Variants in DNAI1 observed in about 807,000 individuals in gnomAD.
The protein encoded by DNAI1 is dynein axonemal intermediate chain 1, also known as dynein, axonemal, intermediate polypeptide 1.
A neutral mutation model predicts 92.0 loss-of-function variants in DNAI1; 67 were observed. The ratio of observed to expected loss-of-function variants is 0.73; its 90% confidence interval spans 0.60 to 0.89. The LOEUF (loss-of-function observed/expected upper bound fraction) is 0.89. Among genes scored for constraint, DNAI1 ranks in the 40% least tolerant of loss-of-function variants. The pLI is 0.00. For missense variants in DNAI1, 839 were observed against 866.6 expected, an observed-to-expected ratio of 0.97 and a Z score of 0.40; for synonymous variants, 323 against 319.6, an observed-to-expected ratio of 1.01 and a Z score of -0.11.
intron 13 of DNAI1, among the ~76,000 whole-genome samples, chr9:34,508,114 G>GACAGCA (rs1824979584): frequency 6.6e-6 from 1 of 152,248 alleles, no homozygotes; most frequent in Non-Finnish European, 1.5e-5. Context: ...AGTTGCTCAA[G>GACAGCA]GTCTCTGGGC....
intron 13 of DNAI1, 137 bp from the exon 14 acceptor site, chr9:34,511,972 T>C (rs1247066894): frequency 2.6e-6 from 2 of 771,858 alleles, no homozygotes; most frequent in Non-Finnish European, 4.7e-6. Flanking sequence ...AAAGGACCAA[T>C]CATGGGATTC....
intron 12 of DNAI1, among the ~76,000 whole-genome samples, chr9:34,503,109 T>A (rs552928081): frequency 1.3e-5 from 2 of 151,986 alleles, no homozygotes; most frequent in Admixed American, 1.3e-4. Context: ...GCAGCAGCAG[T>A]GGTATTTGCT....
rs774881963 is a variant in DNAI1 at position 34,467,344 on chromosome 9, T to C, written c.48+8291T>C. 4.6e-5 allele frequency among the ~76,000 whole-genome samples: 7 copies of C among 151,972 alleles called. 1 individual carries two copies. Among genetic ancestry groups the C allele is most frequent in the Non-Finnish European group, 1.0e-4 (7 of 67,982 alleles). ...CAGGCATGATGGCTCATGGCTGTAATCCTAGCACTTTGGGAGGCTGAGGCA... is the reference window on the plus strand; with the variant it reads ...CAGGCATGATGGCTCATGGCTGTAACCCTAGCACTTTGGGAGGCTGAGGCA... On this transcript the variant is annotated intron_variant, in intron 1 of 19. Coordinates refer to ENST00000242317, the MANE Select transcript of DNAI1 (RefSeq NM_012144.4).
At chr9:34,511,639 G>A (rs1825066815) in intron 13 of DNAI1, among the ~76,000 whole-genome samples, 1 of 152,122 alleles carries the variant, frequency 6.6e-6, no homozygotes, top group African/African-American at 2.4e-5. Flanking sequence ...CTGACGTAAG[G>A]GCTTCACATA....
At position 34,512,329 on chromosome 9, in the gene DNAI1, G is replaced by A; in HGVS notation, c.1402-8G>A. 1 of 1,614,020 alleles carries A rather than the reference G, an allele frequency of 6.2e-7. No homozygotes were observed. On this transcript the variant is annotated splice_polypyrimidine_tract_variant and splice_region_variant and intron_variant, in intron 14 of 19. Transcript: ENST00000242317. ...CTCCCCCCCACATCCCTCTGTCTGT[G>A]GCTACAGAGAAAGCTGGTTCACATA...
At chr9:34,498,187 TA>T (rs1393655171) in intron 10 of DNAI1, among the ~76,000 whole-genome samples, 1 of 152,170 alleles carries the variant, frequency 6.6e-6, no homozygotes, top group Non-Finnish European at 1.5e-5. Flanking sequence ...ACAGTTATAA[TA>T]GTGAGAAACA....
chr9:34,483,542 A>G, intron 2 of DNAI1, 62 bp downstream of exon 2: 1 of 1,493,994 alleles, frequency 6.7e-7, no homozygotes, highest in Non-Finnish European at 9.2e-7. Context: ...TTTGTTGAAA[A>G]TATTATTTAT....
At chr9:34,486,380 C>T (rs1245057032) in intron 4 of DNAI1, among the ~76,000 whole-genome samples, 2 of 151,910 alleles carry the variant, frequency 1.3e-5, no homozygotes, top group East Asian at 1.9e-4. Context: ...AGTTACATGA[C>T]CAGAATTCAA....
chr9:34,513,467 G>C (rs994564283), intron 16 of DNAI1, among the ~76,000 whole-genome samples: 5 of 152,212 alleles, frequency 3.3e-5, no homozygotes, highest in East Asian at 2.0e-4. Context: ...GAGGTAGAAG[G>C]GGGGATTCGG....
At chr9:34,511,952 A>G (rs1301891743) in intron 13 of DNAI1, among the ~76,000 whole-genome samples, 157 bp from the exon 14 acceptor site, 1 of 152,144 alleles carries the variant, frequency 6.6e-6, no homozygotes, top group Non-Finnish European at 1.5e-5. Context: ...AGATGGATGG[A>G]AGGAGGGAGA....
intron 7 of DNAI1, among the ~76,000 whole-genome samples, chr9:34,490,690 A>G (rs912781949): frequency 3.3e-5 from 5 of 152,206 alleles, no homozygotes; most frequent in Admixed American, 2.6e-4. Context: ...AGAGGGAGTA[A>G]CATGGAGGCT....
chr9:34,469,540 T>A (rs887358897), intron 1 of DNAI1, among the ~76,000 whole-genome samples: 1 of 152,072 alleles, frequency 6.6e-6, no homozygotes, highest in African/African-American at 2.4e-5. Context: ...GTGCTGGGAC[T>A]ACAGCACTTT....
At chr9:34,500,570 C>T in intron 10 of DNAI1, 152 bp from the exon 11 acceptor site, 2 of 668,288 alleles carry the variant, frequency 3.0e-6, no homozygotes, top group South Asian at 1.6e-5. Flanking sequence ...CATATATCCT[C>T]ACAACAGAAC....
At chr9:34,498,234 G>C (rs1044969901) in intron 10 of DNAI1, among the ~76,000 whole-genome samples, 7 of 152,202 alleles carry the variant, frequency 4.6e-5, no homozygotes, top group Non-Finnish European at 7.3e-5. Context: ...CTGTGTGTCA[G>C]GCATTGTGCT....
intron 12 of DNAI1, among the ~76,000 whole-genome samples, chr9:34,502,968 A>G (rs973861665): frequency 8.5e-5 from 13 of 152,182 alleles, no homozygotes; most frequent in Non-Finnish European, 1.6e-4. Flanking sequence ...AACCACCTAC[A>G]CATAACGGAC....
chr9:34,504,786 C>G (rs977087780), intron 12 of DNAI1, among the ~76,000 whole-genome samples: 3 of 152,202 alleles, frequency 2.0e-5, no homozygotes, highest in African/African-American at 7.2e-5. Flanking sequence ...CAACTGATAA[C>G]CTTCTTTAGA....
intron 6 of DNAI1, 95 bp from the exon 7 acceptor site, chr9:34,490,274 C>G (rs769332943): frequency 1.3e-4 from 202 of 1,608,370 alleles, no homozygotes; most frequent in Non-Finnish European, 1.7e-4. Context: ...CTCTCTCCTA[C>G]CTCTGTCCTA....
At chr9:34,492,493 G>GATAGATATATATATAT (rs1554688186) in intron 8 of DNAI1, among the ~76,000 whole-genome samples, 37 of 68,254 alleles carry the variant, frequency 5.4e-4, no homozygotes, top group African/African-American at 1.1e-3. Context: ...GGGATATGAA[G>GATAGATATATATATAT]ATATATATAT....
In DNAI1 at chr9:34,500,838, T is replaced by C; in HGVS notation, c.1018T>C (p.Trp340Arg). The change falls in exon 11 of 20, where the codon TGG (tryptophan) becomes CGG (arginine). Residue 340 changes from tryptophan (W) to arginine (R), a missense_variant and splice_region_variant. Coordinates refer to ENST00000242317, the MANE Select transcript of DNAI1 (RefSeq NM_012144.4). ...GCGCCTGTCCGTCACTGCCCTCTGC[T>C]GGTAAGTATAGGCATTGCAGCAAAT... ...AKRLSVTALCWNPKYRDLFAV... is the reference protein window; with the variant it reads ...AKRLSVTALCRNPKYRDLFAV... The C allele has an allele frequency of 6.2e-7, 1 of 1,613,202 alleles. No individual in the cohort carries two copies. Among genetic ancestry groups the C allele is most frequent in the Non-Finnish European group, 8.5e-7 (1 of 1,179,180 alleles).
Sources: gnomAD v4.1 joint callset for allele counts (sites outside exome capture counted in the v4.1 genomes callset) on GRCh38, gnomAD v4.1.1 for gene constraint, MANE v1.5 for transcripts, NCBI Gene and HGNC (gene_info 2026-07-23, HGNC 2026-07-21) for gene names.